DNAH8: variants seen among roughly 807,000 people sequenced by gnomAD.
DNAH8 encodes the protein axonemal beta dynein heavy chain 8.
A neutral mutation model predicts 562.1 loss-of-function variants in DNAH8; 382 were observed. The ratio of observed to expected loss-of-function variants is 0.68; its 90% CI spans 0.63 to 0.74. The LOEUF (loss-of-function observed/expected upper bound fraction) is 0.74, where lower values mean the gene tolerates loss of function less well. DNAH8 is among the 30% of genes least tolerant of loss of function. The pLI, the probability that DNAH8 is intolerant of heterozygous loss-of-function variation, is 0.00. For missense variants in DNAH8, 5,203 were observed against 5,620.4 expected, an observed-to-expected ratio of 0.93 and a Z score of 2.37; for synonymous variants, 1,881 against 1,919.4, an observed-to-expected ratio of 0.98 and a Z score of 0.52.
At chr6:38,943,717 T>C (rs1389244387) in intron 79 of DNAH8, among the ~76,000 whole-genome samples, 1 of 152,194 alleles carries the variant, frequency 6.6e-6, no homozygotes, top group African/African-American at 2.4e-5. Context: ...GGGGGTCTTT[T>C]CTTGCCTTCC....
At chr6:39,004,658 T>C (rs1765693395) in intron 88 of DNAH8, among the ~76,000 whole-genome samples, 1 of 152,226 alleles carries the variant, frequency 6.6e-6, no homozygotes, top group Non-Finnish European at 1.5e-5. Context: ...TTTCCATCAC[T>C]CTAAAAAGAA....
intron 85 of DNAH8, among the ~76,000 whole-genome samples, chr6:38,977,185 T>C (rs1162723300): frequency 6.6e-6 from 1 of 152,060 alleles, no homozygotes; most frequent in Non-Finnish European, 1.5e-5. Flanking sequence ...GTGGTTTGCT[T>C]TATTCTTGAG....
At chr6:39,004,114 A>T (rs1176059667) in intron 88 of DNAH8, among the ~76,000 whole-genome samples, 3 of 152,126 alleles carry the variant, frequency 2.0e-5, no homozygotes, top group Non-Finnish European at 4.4e-5. Flanking sequence ...GGTGGTGTGT[A>T]CCTGTAGTCC....
intron 81 of DNAH8, 51 bp downstream of exon 81, chr6:38,949,621 A>C: frequency 9.1e-7 from 1 of 1,104,878 alleles, no homozygotes; most frequent in Middle Eastern, 2.0e-4. Flanking sequence ...ATATTGCTAA[A>C]TTACAGATTT....
At chr6:38,929,701 G>T in intron 75 of DNAH8, 35 bp downstream of exon 75, 1 of 1,376,580 alleles carries the variant, frequency 7.3e-7, no homozygotes. Context: ...AAGAAAGAAA[G>T]AAAGAAAAGA....
chr6:38,886,645 A>G (rs1163298082), intron 56 of DNAH8, 146 bp from the exon 57 acceptor site: 1 of 683,250 alleles, frequency 1.5e-6, no homozygotes, highest in African/African-American at 1.8e-5. Flanking sequence ...AAGTCAAATT[A>G]CCTTGAAGGT....
At chr6:38,870,606 G>A (rs1244211810) in intron 49 of DNAH8, 44 bp downstream of exon 49, 1 of 1,551,852 alleles carries the variant, frequency 6.4e-7, no homozygotes, top group Non-Finnish European at 8.8e-7. Context: ...ATAAGTATGT[G>A]TTAAACATTC....
chr6:38,906,993 A>G (rs1283260597), intron 63 of DNAH8, among the ~76,000 whole-genome samples: 12 of 152,230 alleles, frequency 7.9e-5, no homozygotes, highest in African/African-American at 2.9e-4. Context: ...GTGCTCAACC[A>G]GTAAGTGAAA....
At chr6:38,872,870 A>G in intron 50 of DNAH8, 36 bp from the exon 51 acceptor site, 1 of 1,607,542 alleles carries the variant, frequency 6.2e-7, no homozygotes, top group Non-Finnish European at 8.5e-7. Flanking sequence ...AATTACTTGC[A>G]AGTGAAAAGT....
At position 38,761,711 on chromosome 6, in the gene DNAH8, C is replaced by A. The variant is rs2127608812; in HGVS notation, c.1525C>A (p.Gln509Lys). Residue 509 changes from glutamine to lysine, a missense_variant, in exon 11 of 93, where the codon CAA (glutamine) becomes AAA (lysine). Gln to Lys is a moderately conservative substitution (Grantham distance 53). Transcript: ENST00000327475. ...CCTATATTTATTTCAGGTAACAAAT[C>A]AAATGGTAACAGCATGTAAAGCATA... Reference protein sequence around the residue: ...MTSLFIKVTNQMVTACKAYIT... With the variant: ...MTSLFIKVTNKMVTACKAYIT... The A allele has an allele frequency of 2.6e-6, 4 of 1,511,954 alleles. No homozygotes were observed. The highest frequency in any genetic ancestry group is 2.3e-5 in the Admixed American group (1 of 43,036). 93.7% of individuals were successfully genotyped at this position (1,511,954 alleles called of 1,614,324 possible).
At chr6:38,989,933 G>A (rs889689817) in intron 87 of DNAH8, 79 bp from the exon 88 acceptor site, 1 of 728,164 alleles carries the variant, frequency 1.4e-6, no homozygotes, top group Non-Finnish European at 2.3e-6. Context: ...TGGAAATAAG[G>A]TGGCCCCTCT....
At chr6:38,802,680 TACTC>T (rs1770888360) in intron 21 of DNAH8, among the ~76,000 whole-genome samples, 1 of 152,194 alleles carries the variant, frequency 6.6e-6, no homozygotes, top group Non-Finnish European at 1.5e-5. Context: ...ACCATAATAT[TACTC>T]ACCCCATTAC....
intron 12 of DNAH8, among the ~76,000 whole-genome samples, chr6:38,774,448 G>A (rs1420584682): frequency 2.0e-5 from 3 of 152,178 alleles, no homozygotes; most frequent in Non-Finnish European, 4.4e-5. Flanking sequence ...GCCAGGGCCA[G>A]GACAAACTAG....
At chr6:38,812,410 G>A (rs1771878736) in intron 24 of DNAH8, among the ~76,000 whole-genome samples, 1 of 152,130 alleles carries the variant, frequency 6.6e-6, no homozygotes, top group African/African-American at 2.4e-5. Flanking sequence ...AATTTTTGAG[G>A]AGGCATACAT....
At position 38,896,045 on chromosome 6, in the gene DNAH8, T is replaced by C; in HGVS notation, c.8760T>C (p.Pro2920=). ...ATTTTCCTTTCAGATTTATAACTCC[T>C]GAAGATGAGCAGTGGTTTAATGCAC... is the stretch of plus-strand genomic sequence containing the variant. ...SRVIADRFIT[P]EDEQWFNAHL... is the part of the protein sequence containing the mutation. The change falls in exon 60 of 93, where the codon CCT becomes CCC. Residue 2920 remains proline, a synonymous_variant. Coordinates refer to ENST00000327475, the MANE Select transcript of DNAH8 (RefSeq NM_001206927.2). The C allele has an allele frequency of 6.2e-7, 1 of 1,611,216 alleles. No homozygotes were observed. Among genetic ancestry groups the C allele is most frequent in the Non-Finnish European group, 8.5e-7 (1 of 1,179,108 alleles).
At chr6:38,836,468 A>G (rs1294845562) in intron 32 of DNAH8, among the ~76,000 whole-genome samples, 3 of 149,896 alleles carry the variant, frequency 2.0e-5, no homozygotes, top group Non-Finnish European at 4.4e-5. Flanking sequence ...CAAAACAACA[A>G]CAACAAAAAA....
At chr6:38,928,634 A>G (rs924054518) in intron 74 of DNAH8, among the ~76,000 whole-genome samples, 1 of 152,168 alleles carries the variant, frequency 6.6e-6, no homozygotes, top group African/African-American at 2.4e-5. Context: ...ATAGTAATTG[A>G]GAGATACATA....
At chr6:38,968,967 T>A (rs1412174362) in intron 82 of DNAH8, among the ~76,000 whole-genome samples, 4 of 152,248 alleles carry the variant, frequency 2.6e-5, no homozygotes, top group Middle Eastern at 3.4e-3. Flanking sequence ...AGGAATGAAG[T>A]AATACATGCT....
chr6:39,006,122 C>G (rs1488858738), intron 88 of DNAH8, among the ~76,000 whole-genome samples: 1 of 152,230 alleles, frequency 6.6e-6, no homozygotes, highest in African/African-American at 2.4e-5. Context: ...TGGATCCTCT[C>G]CTACATCCTA....
Sources: gnomAD v4.1 joint callset for allele counts (sites outside exome capture counted in the v4.1 genomes callset) on GRCh38, gnomAD v4.1.1 for gene constraint, MANE v1.5 for transcripts, NCBI Gene and HGNC (gene_info 2026-07-23, HGNC 2026-07-21) for gene names.